The following XPO4 variants were observed in gnomAD, a reference collection of about 807,000 sequenced individuals.
XPO4 encodes the protein exportin-4.
XPO4 carries 39 observed loss-of-function variants against 143.0 expected under a neutral mutation model. That is an observed-to-expected ratio of 0.27 (90% CI 0.21 to 0.36). XPO4 has a LOEUF of 0.36. Ranked by LOEUF, XPO4 falls within the 10% of genes least tolerant of loss-of-function variation. XPO4 has a pLI of 1.00. For synonymous variants in XPO4, 439 were observed against 474.0 expected (o/e 0.93, Z 0.96); for missense variants, 907 against 1,348.0 (o/e 0.67, Z 5.12).
chr13:20,883,503 A>G (rs542884298), intron 1 of XPO4, among the ~76,000 whole-genome samples: 11 of 152,350 alleles, frequency 7.2e-5, no homozygotes, highest in African/African-American at 2.4e-4. Context: ...TTAGAGCAAT[A>G]AGTTAAGTCA....
At position 20,809,140 on chromosome 13, in the gene XPO4, G is replaced by A. The variant is rs2059543625; in HGVS notation, c.1436C>T (p.Ala479Val). 1.9e-6 allele frequency: 3 copies of A among 1,613,980 alleles called. No individual in the cohort carries two copies. Among genetic ancestry groups the A allele is most frequent in the Admixed American group, 3.3e-5 (2 of 59,996 alleles). Residue 479 changes from alanine to valine, a missense_variant, in exon 11 of 23, where the codon GCC becomes GTC. Transcript: ENST00000255305. ...DDRDQFSDQL[A>V]SVGMLGRIAA... ...AATTCTTCCTAGCATTCCTACACTGGCCAGTTGATCAGAAAACTGGTCTCG... is the reference window on the plus strand; with the variant it reads ...AATTCTTCCTAGCATTCCTACACTGACCAGTTGATCAGAAAACTGGTCTCG...
chr13:20,788,263 G>T lies in XPO4; in HGVS notation c.3047+223C>A, dbSNP rs559854559. ...TTAGAGACAGGGTTTCACTGTGTTG[G>T]CCAGGCTGGTCTCGAACTCCTGACC... is the stretch of plus-strand genomic sequence containing the variant. On this transcript the variant is annotated intron_variant, in intron 20 of 22. Coordinates refer to ENST00000255305, the MANE Select transcript of XPO4 (RefSeq NM_022459.5). Among the ~76,000 whole-genome samples, 7 of 152,110 alleles carry T rather than the reference G, an allele frequency of 4.6e-5. 1 individual carries two copies. The highest frequency in any genetic ancestry group is 1.4e-4 in the African/African-American group (6 of 41,506).
At chr13:20,799,137 G>A (rs180757011) in intron 16 of XPO4, 28 bp downstream of exon 16, 587 of 1,541,256 alleles carry the variant, frequency 3.8e-4, no homozygotes, top group Non-Finnish European at 5.0e-4. Flanking sequence ...ACACAAAAGG[G>A]TGCAATCAAA....
At chr13:20,808,969 G>T in intron 11 of XPO4, 114 bp downstream of exon 11, 1 of 1,202,946 alleles carries the variant, frequency 8.3e-7, no homozygotes, top group Non-Finnish European at 1.2e-6. Context: ...ATTTGTTCCA[G>T]TGTGCTGGGA....
chr13:20,809,406 A>T (rs1458203608), intron 10 of XPO4, among the ~76,000 whole-genome samples, 181 bp from the exon 11 acceptor site: 2 of 151,922 alleles, frequency 1.3e-5, no homozygotes, highest in Non-Finnish European at 2.9e-5. Flanking sequence ...CAGCCGTGGT[A>T]GTTATCAAAA....
intron 1 of XPO4, among the ~76,000 whole-genome samples, chr13:20,892,762 T>C (rs1456153097): frequency 6.6e-6 from 1 of 152,006 alleles, no homozygotes; most frequent in African/African-American, 2.4e-5. Context: ...CGTGCACCTG[T>C]GGTCCCACCT....
chr13:20,794,291 G>C (rs1051687297), intron 18 of XPO4, among the ~76,000 whole-genome samples: 1 of 152,172 alleles, frequency 6.6e-6, no homozygotes, highest in African/African-American at 2.4e-5. Flanking sequence ...TCTAGAGTTA[G>C]TAGGTCTGCG....
intron 6 of XPO4, among the ~76,000 whole-genome samples, chr13:20,837,768 G>A (rs907046478): frequency 6.6e-6 from 1 of 152,228 alleles, no homozygotes; most frequent in Non-Finnish European, 1.5e-5. Flanking sequence ...GGCAAAGAGA[G>A]AATGAGGAAG....
Position 20,800,188 on chromosome 13 carries a change from C to T in XPO4, c.2115G>A (p.Gln705=). Residue 705 remains glutamine, a synonymous_variant, in exon 15 of 23, where the codon CAG becomes CAA. Coordinates refer to ENST00000255305, the MANE Select transcript of XPO4 (RefSeq NM_022459.5). The part of the protein sequence containing the change: ...SEQDLANDTV[Q]LLVTLVERRE... The stretch of plus-strand genomic sequence containing the variant: ...TTCTTTCCACCAAAGTGACAAGGAG[C>T]TGCACAGTGTCATTTGCAAGGTCCT... 1 of 1,614,122 alleles carries T rather than the reference C, an allele frequency of 6.2e-7. No homozygotes were observed. Among genetic ancestry groups the T allele is most frequent in the Non-Finnish European group, 8.5e-7 (1 of 1,180,012 alleles).
At chr13:20,895,982 A>T (rs1330431917) in intron 1 of XPO4, among the ~76,000 whole-genome samples, 1 of 152,200 alleles carries the variant, frequency 6.6e-6, no homozygotes, top group Non-Finnish European at 1.5e-5. Context: ...TATTTCCATA[A>T]ACTGAATAAA....
At chr13:20,895,258 G>T (rs967032679) in intron 1 of XPO4, among the ~76,000 whole-genome samples, 4 of 152,154 alleles carry the variant, frequency 2.6e-5, no homozygotes, top group Non-Finnish European at 5.9e-5. Flanking sequence ...TTTTTATATT[G>T]TAAAAAATTC....
chr13:20,843,942 T>C, intron 4 of XPO4, 56 bp from the exon 5 acceptor site: 1 of 1,306,796 alleles, frequency 7.7e-7, no homozygotes, highest in Non-Finnish European at 1.1e-6. Flanking sequence ...ACGCTTTGTT[T>C]CAATGCATTT....
At chr13:20,827,013 G>C in intron 7 of XPO4, 54 bp downstream of exon 7, 3 of 1,262,220 alleles carry the variant, frequency 2.4e-6, no homozygotes, top group Non-Finnish European at 3.5e-6. Context: ...AACTCGCCAA[G>C]GCATTTCCTC....
chr13:20,848,536 AT>A (rs2060050644), intron 4 of XPO4: 2 of 985,268 alleles, frequency 2.0e-6, no homozygotes, highest in Admixed American at 1.2e-4. Flanking sequence ...ATTTTTTATC[AT>A]TATCATAGAA....
intron 4 of XPO4, chr13:20,850,758 C>G (rs1240530478): frequency 2.0e-6 from 2 of 977,070 alleles, no homozygotes; most frequent in Non-Finnish European, 1.2e-6. Context: ...GAGCGAGGCC[C>G]TGTTTCTAAA....
intron 3 of XPO4, among the ~76,000 whole-genome samples, chr13:20,859,317 T>G (rs1327791666): frequency 6.6e-6 from 1 of 150,482 alleles, no homozygotes; most frequent in East Asian, 2.0e-4. Context: ...ATACAAAAAT[T>G]AGGCCAGGCA....
chr13:20,839,545 C>G (rs2059952904), intron 6 of XPO4, among the ~76,000 whole-genome samples: 1 of 152,002 alleles, frequency 6.6e-6, no homozygotes, highest in Non-Finnish European at 1.5e-5. Context: ...CTCAATAAAA[C>G]TATTATTGAG....
intron 22 of XPO4, among the ~76,000 whole-genome samples, chr13:20,786,592 G>A (rs192188090): frequency 5.8e-4 from 89 of 152,138 alleles, no homozygotes; most frequent in Non-Finnish European, 9.7e-4. Flanking sequence ...CTGTCTGAAG[G>A]CAGACTCTTC....
At chr13:20,859,235 G>A (rs1208697022) in intron 3 of XPO4, among the ~76,000 whole-genome samples, 2 of 151,826 alleles carry the variant, frequency 1.3e-5, no homozygotes, top group Non-Finnish European at 2.9e-5. Context: ...TTGGGAGGCC[G>A]AGATGGGAAG....
Sources: gnomAD v4.1 joint callset for allele counts (sites outside exome capture counted in the v4.1 genomes callset) on GRCh38, gnomAD v4.1.1 for gene constraint, MANE v1.5 for transcripts, NCBI Gene and HGNC (gene_info 2026-07-23, HGNC 2026-07-21) for gene names.